The following AGBL4 variants were observed in gnomAD, a reference collection of about 807,000 sequenced individuals.
AGBL4 encodes AGBL carboxypeptidase 4, also known as cytosolic carboxypeptidase 6.
In AGBL4, 58 loss-of-function variants were observed where a neutral mutation model predicts 66.4. The observed-to-expected ratio is 0.87, with a 90% CI of 0.71 to 1.09. AGBL4 has a LOEUF of 1.09. Among genes scored for constraint, AGBL4 ranks in the 50% least tolerant of loss-of-function variants. AGBL4 has a pLI of 0.00. For synonymous variants in AGBL4, 234 were observed against 222.9 expected, an observed-to-expected ratio of 1.05 and a Z score of -0.44; for missense variants, 579 against 631.0, an observed-to-expected ratio of 0.92 and a Z score of 0.88.
At chr1:48,919,324 TA>T (rs754381168) in intron 5 of AGBL4, among the ~76,000 whole-genome samples, 13 of 152,190 alleles carry the variant, frequency 8.5e-5, no homozygotes, top group Non-Finnish European at 1.0e-4. Context: ...TGAAAATCAC[TA>T]ATCTATTTCA....
At chr1:49,350,531 AT>A (rs1449909055) in intron 3 of AGBL4, among the ~76,000 whole-genome samples, 1 of 152,166 alleles carries the variant, frequency 6.6e-6, no homozygotes, top group Non-Finnish European at 1.5e-5. Context: ...AATGAATGAA[AT>A]GTTTGCTGAG....
intron 3 of AGBL4, among the ~76,000 whole-genome samples, chr1:49,246,419 A>T (rs1429423302): frequency 6.6e-6 from 1 of 151,842 alleles, no homozygotes; most frequent in Non-Finnish European, 1.5e-5. Flanking sequence ...TTCTACAACT[A>T]CTTGAAACCC....
intron 4 of AGBL4, among the ~76,000 whole-genome samples, chr1:49,167,878 A>C (rs1417124369): frequency 1.3e-5 from 2 of 152,188 alleles, no homozygotes; most frequent in Non-Finnish European, 2.9e-5. Context: ...TTCTGCATCC[A>C]CAGATTAAAC....
chr1:49,296,404 A>G (rs1017877371), intron 3 of AGBL4, among the ~76,000 whole-genome samples: 2 of 152,272 alleles, frequency 1.3e-5, no homozygotes, highest in South Asian at 4.1e-4. Flanking sequence ...CTCTACCCCA[A>G]ACTCTCAAAT....
intron 9 of AGBL4, among the ~76,000 whole-genome samples, chr1:48,607,518 T>C (rs1219483648): frequency 6.6e-6 from 1 of 152,120 alleles, no homozygotes; most frequent in South Asian, 2.1e-4. Flanking sequence ...CTCAGGAGGC[T>C]GAGGCAGGAG....
chr1:48,624,059 G>A (rs1166639276), intron 9 of AGBL4, among the ~76,000 whole-genome samples: 1 of 152,210 alleles, frequency 6.6e-6, no homozygotes, highest in East Asian at 1.9e-4. Flanking sequence ...ATCAGCAGCA[G>A]AGAGGGAGCA....
intron 6 of AGBL4, chr1:48,818,119 G>A (rs41291542): frequency 2.5e-5 from 18 of 717,078 alleles, no homozygotes; most frequent in East Asian, 1.1e-4. Flanking sequence ...TCTTCCAGCC[G>A]GAAACATTCC....
downstream of AGBL4, among the ~76,000 whole-genome samples, chr1:48,530,881 G>T (rs1222087481): frequency 6.6e-6 from 1 of 152,196 alleles, no homozygotes; most frequent in Non-Finnish European, 1.5e-5. Flanking sequence ...GCTCTAATCT[G>T]AGACAGACCT....
intron 5 of AGBL4, among the ~76,000 whole-genome samples, chr1:48,959,261 G>C (rs1174771857): frequency 6.6e-6 from 1 of 152,078 alleles, no homozygotes; most frequent in Non-Finnish European, 1.5e-5. Flanking sequence ...TGGCTTTCCT[G>C]ATGAATAAAT....
intron 3 of AGBL4, among the ~76,000 whole-genome samples, chr1:49,424,227 G>T (rs887911177): frequency 2.0e-5 from 3 of 152,192 alleles, no homozygotes; most frequent in Non-Finnish European, 4.4e-5. Context: ...GATAGAGTCT[G>T]TCTATGCTTA....
At chr1:49,831,441 T>C (rs2148014929) in intron 2 of AGBL4, among the ~76,000 whole-genome samples, 1 of 152,322 alleles carries the variant, frequency 6.6e-6, no homozygotes, top group East Asian at 1.9e-4. Flanking sequence ...ACACTTGTGA[T>C]TTTTGCATAT....
chr1:49,379,422 T>G (rs529630863), intron 3 of AGBL4, among the ~76,000 whole-genome samples: 1 of 152,284 alleles, frequency 6.6e-6, no homozygotes, highest in South Asian at 2.1e-4. Context: ...TTTGGCTACA[T>G]GTCTTGGGAT....
At chr1:49,424,543 T>C (rs1170747083) in intron 3 of AGBL4, among the ~76,000 whole-genome samples, 1 of 152,188 alleles carries the variant, frequency 6.6e-6, no homozygotes, top group African/African-American at 2.4e-5. Context: ...ACATTTGAAA[T>C]TAAGGGTACT....
At chr1:49,048,457 A>G (rs1415644589) in intron 4 of AGBL4, 1 of 152,086 alleles carries the variant, frequency 6.6e-6, no homozygotes, top group Non-Finnish European at 1.5e-5. Flanking sequence ...AAGTAGAGCT[A>G]ATGGGCTCTA....
Position 49,045,503 on chromosome 1 carries a change from T to C in AGBL4, c.594+81A>G, listed in dbSNP as rs551884965. Reference sequence around the variant, plus strand: ...AAAGCACCAGTATTCATTATTTGCATTGCATAAAAACCCGTGTTAAGTCCC... The same window carrying C: ...AAAGCACCAGTATTCATTATTTGCACTGCATAAAAACCCGTGTTAAGTCCC... On this transcript the variant is annotated intron_variant, in intron 5 of 13. Transcript: ENST00000371839. 1.5e-5 allele frequency: 18 copies of C among 1,210,378 alleles called. No homozygotes were observed. In the African/African-American group the frequency reaches 2.7e-4, roughly 18 times the overall value. The allele number at this position is 1,210,378 out of a possible 1,614,324, so 75.0% of individuals were successfully genotyped here. A position where few individuals can be genotyped will look rare whatever the true frequency, so the allele number is the denominator to read the frequency against.
At chr1:49,711,802 A>G (rs964369928) in intron 2 of AGBL4, among the ~76,000 whole-genome samples, 2 of 152,092 alleles carry the variant, frequency 1.3e-5, no homozygotes, top group Non-Finnish European at 2.9e-5. Context: ...CCCAGAAATA[A>G]CAGCTATCTT....
chr1:48,542,087 T>C (rs1644082423), intron 11 of AGBL4, among the ~76,000 whole-genome samples: 1 of 152,170 alleles, frequency 6.6e-6, no homozygotes, highest in East Asian at 1.9e-4. Flanking sequence ...TGAGAACATA[T>C]GGTGTTTGGT....
At chr1:49,192,948 TAGG>T (rs1647151334) in intron 4 of AGBL4, among the ~76,000 whole-genome samples, 1 of 152,212 alleles carries the variant, frequency 6.6e-6, no homozygotes, top group Admixed American at 6.5e-5. Flanking sequence ...GGTTCAATCT[TAGG>T]AGGTTGTATG....
In AGBL4 at chr1:48,675,145, A is replaced by AC. The variant is rs906489177; in HGVS notation, c.635-11905dup. ...AATTACTAGGTACTGTGTGAAACAG[A>AC]CCCCCCCGCCACACCCATCGCATGT... On this transcript the variant is annotated intron_variant, in intron 6 of 13. Transcript: ENST00000371839. Among the ~76,000 whole-genome samples the AC allele has an allele frequency of 3.8e-3, 556 of 148,236 alleles. 2 individuals carry two copies. The highest frequency in any genetic ancestry group is 5.4e-3 in the Non-Finnish European group (359 of 66,430).
Sources: allele counts gnomAD v4.1 joint callset (sites outside exome capture counted in the v4.1 genomes callset), GRCh38; gene constraint gnomAD v4.1.1; transcripts MANE v1.5; gene names NCBI Gene and HGNC (gene_info 2026-07-23, HGNC 2026-07-21).